EIF1AD: variants seen among roughly 807,000 people sequenced by gnomAD.
EIF1AD encodes eukaryotic translation initiation factor 1A domain containing, also known as probable RNA-binding protein EIF1AD.
A neutral mutation model predicts 21.7 loss-of-function variants in EIF1AD; 9 were observed. That is an observed-to-expected ratio of 0.41 (90% CI 0.25 to 0.72). EIF1AD has a LOEUF of 0.72. EIF1AD is among the 30% of genes least tolerant of loss of function. The probability of loss-of-function intolerance (pLI) is 0.29; values close to 1 mark genes in which losing one functional copy is unlikely to be tolerated. For synonymous variants in EIF1AD, 78 were observed against 70.9 expected (o/e 1.10, Z -0.50); for missense variants, 164 against 199.7 (o/e 0.82, Z 1.08).
chr11:65,998,665 A>G lies in EIF1AD; in HGVS notation c.432T>C (p.Phe144=). The part of the protein sequence containing the change: ...ESSSEDDSDL[F]VNTNRRQYHE... ...GATACTGTCTGCGGTTTGTGTTAAC[A>G]AACAGGTCAGAATCATCTTCTGAGC... Residue 144 remains phenylalanine (F), a synonymous_variant, in exon 6 of 6, where the codon TTT becomes TTC. Coordinates refer to ENST00000533544, the MANE Select transcript of EIF1AD (RefSeq NM_001242481.2). The G allele has an allele frequency of 6.2e-7, 1 of 1,614,192 alleles. No individual in the cohort carries two copies. Among genetic ancestry groups the G allele is most frequent in the Non-Finnish European group, 8.5e-7 (1 of 1,180,034 alleles).
chr11:66,000,497 G>C lies in EIF1AD; in HGVS notation c.-108C>G. On this transcript the variant is annotated 5_prime_UTR_variant, in exon 2 of 6. Transcript: ENST00000533544. ...CAGGACTGTTCTGAAGATGGGGAGG[G>C]GCCTTTTACTGAGGGGTGACACGGT... The C allele has an allele frequency of 9.1e-7, 1 of 1,093,234 alleles. No homozygotes were observed. Among genetic ancestry groups the C allele is most frequent in the Non-Finnish European group, 1.3e-6 (1 of 745,680 alleles). The allele number at this position is 1,093,234 out of a possible 1,614,324, so 67.7% of individuals were successfully genotyped here.
rs1855866846 is a variant in EIF1AD, at chr11:65,999,644, C to G, written c.228G>C (p.Glu76Asp). 1 of 1,613,926 alleles carries G rather than the reference C, an allele frequency of 6.2e-7. No homozygotes were observed. Among genetic ancestry groups the G allele is most frequent in the Non-Finnish European group, 8.5e-7 (1 of 1,179,970 alleles). The part of the protein sequence containing the change: ...GDFLIVDPIE[E>D]GEKVKAEISF... ...AGATTTCAGCCTTCACCTTTTCTCCCTCTTCAATGGGGTCAACAATGAGAA... is the reference window on the plus strand; with the variant it reads ...AGATTTCAGCCTTCACCTTTTCTCCGTCTTCAATGGGGTCAACAATGAGAA... Residue 76 changes from glutamate (E) to aspartate (D), a missense_variant, in exon 4 of 6, where the codon GAG becomes GAC. Glu to Asp is a conservative substitution (Grantham distance 45). Coordinates refer to ENST00000533544, the MANE Select transcript of EIF1AD (RefSeq NM_001242481.2).
In EIF1AD at chr11:65,998,080, C is replaced by T. The variant is rs610497; in HGVS notation, c.*519G>A. ...CCCGTACACAGGGTGACTAGAAAGG[C>T]GGGGAGAACAGCACGAGGCACCATG... is the stretch of plus-strand genomic sequence containing the variant. On this transcript the variant is annotated 3_prime_UTR_variant, in exon 6 of 6. Coordinates refer to ENST00000533544, the MANE Select transcript of EIF1AD (RefSeq NM_001242481.2). 0.71 allele frequency: 107,763 copies of T among 152,584 alleles called. 39,754 individuals are homozygous for T. Among genetic ancestry groups the T allele is most frequent in the Admixed American group, 0.8 (12,305 of 15,350 alleles). 9.5% of individuals were successfully genotyped at this position (152,584 alleles called of 1,614,324 possible).
chr11:65,999,461 C>T, intron 4 of EIF1AD, 64 bp from the exon 5 acceptor site: 1 of 1,612,722 alleles, frequency 6.2e-7, no homozygotes, highest in Non-Finnish European at 8.5e-7. Flanking sequence ...GAGCTGCTTC[C>T]AGCTGTGTCT....
intron 1 of EIF1AD, among the ~76,000 whole-genome samples, chr11:66,001,276 A>G (rs892026733): frequency 2.0e-5 from 3 of 152,078 alleles, no homozygotes; most frequent in African/African-American, 4.8e-5. Flanking sequence ...GATCGAGACC[A>G]TCCTGGCTAA....
In EIF1AD at chr11:66,002,129, C is replaced by G. The variant is rs1226735639; in HGVS notation, c.-336G>C. On this transcript the variant is annotated 5_prime_UTR_variant, in exon 1 of 6. Coordinates refer to ENST00000533544, the MANE Select transcript of EIF1AD (RefSeq NM_001242481.2). ...CAACTGCGAGGAGTGCGACGTGAGTCTGAGTCTGATCCCTCCGAAAACCGT... is the reference window on the plus strand; with the variant it reads ...CAACTGCGAGGAGTGCGACGTGAGTGTGAGTCTGATCCCTCCGAAAACCGT... 6.6e-6 allele frequency: 1 copy of G among 152,278 alleles called. No homozygotes were observed. Among genetic ancestry groups the G allele is most frequent in the Admixed American group, 6.5e-5 (1 of 15,290 alleles). The allele number at this position is 152,278 out of a possible 1,614,324, so 9.4% of individuals were successfully genotyped here.
At chr11:65,999,223 C>T in intron 5 of EIF1AD, 127 bp downstream of exon 5, 1 of 1,275,828 alleles carries the variant, frequency 7.8e-7, no homozygotes, top group Non-Finnish European at 1.1e-6. Context: ...CCATGTTATA[C>T]CACATGCTTA....
Position 65,999,563 on chromosome 11 carries a change from C to G in EIF1AD, c.305+4G>C. 2 of 1,611,560 alleles carry G rather than the reference C, an allele frequency of 1.2e-6. No individual in the cohort carries two copies. The highest frequency in any genetic ancestry group is 1.7e-6 in the Non-Finnish European group (2 of 1,178,194). On this transcript the variant is annotated splice_donor_region_variant and intron_variant, in intron 4 of 5. Transcript: ENST00000533544. ...GACAGCCAATGATCAAGGGGACCAC[C>G]TACCAAAACCCCTCCTTCTGCAGAG...
chr11:66,001,537 G>A (rs1168767846), intron 1 of EIF1AD, among the ~76,000 whole-genome samples: 2 of 149,416 alleles, frequency 1.3e-5, no homozygotes, highest in African/African-American at 2.5e-5. Flanking sequence ...AAAACTATAC[G>A]CATGCTCCAG....
Position 66,000,477 on chromosome 11 carries a change from C to T in EIF1AD, c.-88G>A. 2 of 1,363,908 alleles carry T rather than the reference C, an allele frequency of 1.5e-6. No homozygotes were observed. Among genetic ancestry groups the T allele is most frequent in the Non-Finnish European group, 2.0e-6 (2 of 982,886 alleles). The allele number at this position is 1,363,908 out of a possible 1,614,324, so 84.5% of individuals were successfully genotyped here. On this transcript the variant is annotated 5_prime_UTR_variant, in exon 2 of 6. Coordinates refer to ENST00000533544, the MANE Select transcript of EIF1AD (RefSeq NM_001242481.2). ...TGGATGGCAGGCTCAGAACCCAGGACTGTTCTGAAGATGGGGAGGGGCCTT... is the reference window on the plus strand; with the variant it reads ...TGGATGGCAGGCTCAGAACCCAGGATTGTTCTGAAGATGGGGAGGGGCCTT...
rs369633698 is a variant in EIF1AD, at chr11:66,000,294, G to A, written c.87+9C>T. ...GGGAGCAGAACAGCTTGTGCCCCAC[G>A]CCACTCACCCTGACAATCTGCTGCT... On this transcript the variant is annotated intron_variant, in intron 2 of 5. Transcript: ENST00000533544. The A allele has an allele frequency of 1.1e-4, 183 of 1,613,196 alleles. No individual in the cohort carries two copies. Among genetic ancestry groups the A allele is most frequent in the Non-Finnish European group, 1.3e-4 (156 of 1,179,610 alleles).
Position 66,001,979 on chromosome 11 carries a change from G to A in EIF1AD, c.-186C>T, listed in dbSNP as rs1043680853. ...CACCGCCGTCTAGGCTGGACGCTGA[G>A]AGAGGATCGTCCACGACTCACTTCA... On this transcript the variant is annotated 5_prime_UTR_variant, in exon 1 of 6. Coordinates refer to ENST00000533544, the MANE Select transcript of EIF1AD (RefSeq NM_001242481.2). The A allele has an allele frequency of 7.2e-5, 11 of 152,300 alleles. No individual in the cohort carries two copies. The highest frequency in any genetic ancestry group is 2.4e-4 in the African/African-American group (10 of 41,574). The allele number at this position is 152,300 out of a possible 1,614,324, so 9.4% of individuals were successfully genotyped here.
chr11:66,000,226 C>T, intron 2 of EIF1AD, 65 bp from the exon 3 acceptor site: 1 of 1,607,478 alleles, frequency 6.2e-7, no homozygotes, highest in South Asian at 1.1e-5. Context: ...AGACACGCTG[C>T]ACCCTACCCC....
rs1436476732 is a variant in EIF1AD at position 65,998,760 on chromosome 11, G to C, written c.354-17C>G. ...TGAGTTTGTCTGCACGAAGGGAAGAGAGCAGGGTTAGCCCAGCGCCTTCTG... is the reference window on the plus strand; with the variant it reads ...TGAGTTTGTCTGCACGAAGGGAAGACAGCAGGGTTAGCCCAGCGCCTTCTG... On this transcript the variant is annotated splice_polypyrimidine_tract_variant and intron_variant, in intron 5 of 5. Coordinates refer to ENST00000533544, the MANE Select transcript of EIF1AD (RefSeq NM_001242481.2). 3.7e-6 allele frequency: 6 copies of C among 1,613,532 alleles called. No individual in the cohort carries two copies. The highest frequency in any genetic ancestry group is 1.1e-5 in the South Asian group (1 of 91,000).
chr11:65,999,717 A>G (rs752251894), intron 3 of EIF1AD, 42 bp from the exon 4 acceptor site: 1 of 1,450,454 alleles, frequency 6.9e-7, no homozygotes, highest in Non-Finnish European at 9.7e-7. Context: ...GCCTGCTTGC[A>G]ATAAGGAAAG....
chr11:66,000,066 G>T lies in EIF1AD; in HGVS notation c.183C>A (p.Ile61=), dbSNP rs1256182062. 1.2e-6 allele frequency: 2 copies of T among 1,613,396 alleles called. No homozygotes were observed. Among genetic ancestry groups the T allele is most frequent in the East Asian group, 4.5e-5 (2 of 44,892 alleles). ...TAATCCTCTCACCTCTCTTGATCCA[G>T]ATGTTCTTGCGGTATTTGGAGGGCA... ...VSMPSKYRKN[I]WIKRGDFLIV... The change falls in exon 3 of 6, where the codon ATC becomes ATA. Residue 61 remains isoleucine, a synonymous_variant. Transcript: ENST00000533544.
In EIF1AD at chr11:66,000,155, T is replaced by C. The variant is rs934484787; in HGVS notation, c.94A>G (p.Arg32Gly). The change falls in exon 3 of 6, where the codon AGG becomes GGG. Residue 32 changes from arginine (R) to glycine (G), a missense_variant. Arg to Gly is a moderately radical substitution (Grantham distance 125). Coordinates refer to ENST00000533544, the MANE Select transcript of EIF1AD (RefSeq NM_001242481.2). ...TCATGCAGATTGTTCCCTGGGGTCC[T>C]GAGTACCTGGTTCAGGAGAGACCAA... Reference protein sequence around the residue: ...SDQQQIVRVLRTPGNNLHEVE... With the variant: ...SDQQQIVRVLGTPGNNLHEVE... The C allele has an allele frequency of 3.1e-6, 5 of 1,613,938 alleles. No homozygotes were observed. Among genetic ancestry groups the C allele is most frequent in the Non-Finnish European group, 3.4e-6 (4 of 1,179,830 alleles).
intron 1 of EIF1AD, among the ~76,000 whole-genome samples, chr11:66,001,044 G>A (rs909742477): frequency 6.6e-6 from 1 of 151,974 alleles, no homozygotes; most frequent in Non-Finnish European, 1.5e-5. Flanking sequence ...CGGGGAGCTC[G>A]GCTCTTAAGA....
rs1206677737 is a variant in EIF1AD at position 65,998,794 on chromosome 11, A to G, written c.354-51T>C. On this transcript the variant is annotated intron_variant, in intron 5 of 5. Transcript: ENST00000533544. ...TAGCCCAGCGCCTTCTGGGAAAATA[A>G]TATCTACAATCAAGGAGTTCCAAAA... The G allele has an allele frequency of 3.1e-6, 5 of 1,595,696 alleles. No homozygotes were observed. In the African/African-American group the frequency reaches 4.0e-5, roughly 13 times the overall value.
Sources: allele counts gnomAD v4.1 joint callset (sites outside exome capture counted in the v4.1 genomes callset), GRCh38; gene constraint gnomAD v4.1.1; transcripts MANE v1.5; gene names NCBI Gene and HGNC (gene_info 2026-07-23, HGNC 2026-07-21).